MAGI1: variants seen among roughly 807,000 people sequenced by gnomAD.
The protein encoded by MAGI1 is membrane associated guanylate kinase, WW and PDZ domain containing 1, also known as membrane-associated guanylate kinase, WW and PDZ domain-containing protein 1.
Under a neutral mutation model 139.9 loss-of-function variants are expected in MAGI1, and 58 were observed. That is an observed-to-expected ratio of 0.41 (90% CI 0.34 to 0.52). MAGI1 has a LOEUF of 0.52. Among genes scored for constraint, MAGI1 ranks in the 20% least tolerant of loss-of-function variants. The pLI, the probability that MAGI1 is intolerant of heterozygous loss-of-function variation, is 0.12. For missense variants in MAGI1, 1,874 were observed against 1,901.6 expected (o/e 0.99, Z 0.27); for synonymous variants, 812 against 737.9 (o/e 1.10, Z -1.63).
intron 1 of MAGI1, among the ~76,000 whole-genome samples, chr3:65,642,172 C>T (rs892716380): frequency 6.6e-6 from 1 of 152,138 alleles, no homozygotes; most frequent in Non-Finnish European, 1.5e-5. Context: ...AACATGACTG[C>T]TGTGAGCTGG....
intron 12 of MAGI1, among the ~76,000 whole-genome samples, chr3:65,421,768 A>G (rs1028883743): frequency 1.3e-5 from 2 of 152,202 alleles, no homozygotes; most frequent in African/African-American, 4.8e-5. Flanking sequence ...TGATGACACC[A>G]TGCCAGGATT....
At chr3:65,453,427 A>C (rs1465119823) in intron 5 of MAGI1, 87 bp from the exon 6 acceptor site, 2 of 949,118 alleles carry the variant, frequency 2.1e-6, no homozygotes, top group Non-Finnish European at 3.3e-6. Context: ...ACACTCTTGA[A>C]TATTTCTTCC....
At chr3:65,583,464 C>T (rs904122236) in intron 2 of MAGI1, among the ~76,000 whole-genome samples, 1 of 152,130 alleles carries the variant, frequency 6.6e-6, no homozygotes, top group Non-Finnish European at 1.5e-5. Flanking sequence ...TAATCTCTAA[C>T]TAGAACCCCA....
chr3:65,647,927 G>C (rs1395546488), intron 1 of MAGI1, among the ~76,000 whole-genome samples: 5 of 152,134 alleles, frequency 3.3e-5, no homozygotes, highest in Non-Finnish European at 7.3e-5. Context: ...CAAGGAGCTA[G>C]AAGTTCTGGC....
chr3:65,845,933 T>G (rs2058977456), intron 1 of MAGI1, among the ~76,000 whole-genome samples: 1 of 152,242 alleles, frequency 6.6e-6, no homozygotes, highest in Non-Finnish European at 1.5e-5. Context: ...CAGATTCTTT[T>G]GTCCTTTTCT....
intron 2 of MAGI1, among the ~76,000 whole-genome samples, chr3:65,528,296 G>A (rs554937597): frequency 6.6e-6 from 1 of 152,250 alleles, no homozygotes; most frequent in East Asian, 1.9e-4. Flanking sequence ...ATTTATCTAA[G>A]CGTTTCTCAA....
chr3:65,936,860 T>C (rs1576152025), intron 1 of MAGI1, among the ~76,000 whole-genome samples: 1 of 151,882 alleles, frequency 6.6e-6, no homozygotes, highest in Non-Finnish European at 1.5e-5. Context: ...GCCTCCTGAG[T>C]AGCTGGGGCT....
At chr3:65,853,041 C>T (rs940005113) in intron 1 of MAGI1, among the ~76,000 whole-genome samples, 1 of 151,062 alleles carries the variant, frequency 6.6e-6, no homozygotes, top group Admixed American at 6.6e-5. Flanking sequence ...CCCAACTACT[C>T]GGGAGGCTGA....
At chr3:65,515,697 A>T (rs1158345312) in intron 2 of MAGI1, among the ~76,000 whole-genome samples, 1 of 152,210 alleles carries the variant, frequency 6.6e-6, no homozygotes, top group East Asian at 1.9e-4. Context: ...GCACCAACCC[A>T]TGGCCCAGGA....
chr3:65,747,858 A>C (rs902153274), intron 1 of MAGI1, among the ~76,000 whole-genome samples: 2 of 152,214 alleles, frequency 1.3e-5, no homozygotes, highest in Non-Finnish European at 2.9e-5. Flanking sequence ...AAGACCAAAA[A>C]GTTTGAGAAC....
chr3:65,951,245 C>A (rs754522028), intron 1 of MAGI1, among the ~76,000 whole-genome samples: 1 of 152,140 alleles, frequency 6.6e-6, no homozygotes, highest in African/African-American at 2.4e-5. Flanking sequence ...ATATGGTAAC[C>A]CCCAGCAGAC....
At chr3:65,380,076 T>A (rs756299565) in intron 16 of MAGI1, among the ~76,000 whole-genome samples, 6 of 152,352 alleles carry the variant, frequency 3.9e-5, no homozygotes, top group Middle Eastern at 3.4e-3. Flanking sequence ...TATGTGGGGT[T>A]CATGACAACA....
At chr3:65,454,454 C>T (rs62255272) in intron 5 of MAGI1, among the ~76,000 whole-genome samples, 354 of 150,266 alleles carry the variant, frequency 2.4e-3, no homozygotes, top group Non-Finnish European at 3.8e-3. Flanking sequence ...GTGGGTGCAG[C>T]GCACCAGCAT....
intron 9 of MAGI1, 104 bp from the exon 10 acceptor site, chr3:65,437,351 G>T: frequency 1.7e-6 from 1 of 604,982 alleles, no homozygotes; most frequent in Non-Finnish European, 2.8e-6. Flanking sequence ...TAAACCAAGG[G>T]CAGATAGCTT....
intron 1 of MAGI1, among the ~76,000 whole-genome samples, chr3:65,819,305 A>C (rs980009930): frequency 9.7e-5 from 14 of 144,738 alleles, no homozygotes; most frequent in Admixed American, 6.7e-4. Context: ...ACAAACAAAC[A>C]ACAACAACAA....
At chr3:65,820,619 C>CA (rs770539616) in intron 1 of MAGI1, among the ~76,000 whole-genome samples, 13 of 152,082 alleles carry the variant, frequency 8.5e-5, no homozygotes, top group Non-Finnish European at 1.8e-4. Context: ...ATGCACCCCT[C>CA]AATGTAGGTG....
chr3:65,786,810 T>C (rs1425282136), intron 1 of MAGI1, among the ~76,000 whole-genome samples: 1 of 151,828 alleles, frequency 6.6e-6, no homozygotes, highest in East Asian at 1.9e-4. Flanking sequence ...AGAGACGGGA[T>C]TTCACCGTGT....
At chr3:65,437,998 ACCACCATACAAT>A (rs1459896830) in intron 9 of MAGI1, among the ~76,000 whole-genome samples, 1 of 152,186 alleles carries the variant, frequency 6.6e-6, no homozygotes, top group African/African-American at 2.4e-5. Flanking sequence ...CCTCTATAGA[ACCACCATACAAT>A]CCAGCAGTCC....
chr3:65,630,696 T>C (rs1018818301), intron 1 of MAGI1, among the ~76,000 whole-genome samples: 11 of 152,118 alleles, frequency 7.2e-5, no homozygotes, highest in Non-Finnish European at 5.9e-5. Context: ...TTAATGGACT[T>C]TGGGGATGTA....
Sources: gnomAD v4.1 joint callset for allele counts (sites outside exome capture counted in the v4.1 genomes callset) on GRCh38, gnomAD v4.1.1 for gene constraint, MANE v1.5 for transcripts, NCBI Gene and HGNC (gene_info 2026-07-23, HGNC 2026-07-21) for gene names.